ZNF722: variants seen among roughly 807,000 people sequenced by gnomAD.
ZNF722 encodes the protein zinc finger protein 722.
chr7:63,999,194 G>A, the ZNF722 span, among the ~76,000 whole-genome samples: 56 of 152,154 alleles, frequency 3.7e-4, 1 homozygote, highest in African/African-American at 9.6e-5. Context: ...GACCCTGGGA[G>A]TTCTGTCTTT....
chr7:64,012,744 A>G, the ZNF722 span, among the ~76,000 whole-genome samples: 1 of 152,142 alleles, frequency 6.6e-6, no homozygotes, highest in South Asian at 2.1e-4. Context: ...GGTTTGTGAT[A>G]TGGTGTAGAT....
the ZNF722 span, among the ~76,000 whole-genome samples, chr7:64,009,106 C>G: frequency 3.3e-5 from 5 of 152,198 alleles, no homozygotes; most frequent in African/African-American, 4.8e-5. Context: ...TATCTTGAGA[C>G]TTTGCTGAAG....
the ZNF722 span, among the ~76,000 whole-genome samples, chr7:64,006,514 C>T: frequency 6.6e-6 from 1 of 152,308 alleles, no homozygotes; most frequent in East Asian, 1.9e-4. Flanking sequence ...AAGGATTCTA[C>T]TTCCACTTCA....
the ZNF722 span, among the ~76,000 whole-genome samples, chr7:64,007,253 T>TATAC: frequency 6.7e-6 from 1 of 148,812 alleles, no homozygotes; most frequent in African/African-American, 2.5e-5. Context: ...TATATATATA[T>TATAC]ATTTATACTT....
chr7:64,013,783 G>T, the ZNF722 span, among the ~76,000 whole-genome samples: 1 of 152,010 alleles, frequency 6.6e-6, no homozygotes, highest in Non-Finnish European at 1.5e-5. Flanking sequence ...ATTTTAAGTG[G>T]AAAGACCTCT....
chr7:63,999,121 C>T, the ZNF722 span: 2 of 1,164,362 alleles, frequency 1.7e-6, no homozygotes, highest in Non-Finnish European at 2.5e-6. Context: ...CCCAAATCCT[C>T]CTTGTCCCAG....
chr7:64,003,515 T>C, the ZNF722 span, among the ~76,000 whole-genome samples: 1 of 152,198 alleles, frequency 6.6e-6, no homozygotes, highest in South Asian at 2.1e-4. Context: ...TTGGTGAACA[T>C]GTCTCAGATC....
At chr7:63,999,312 A>C in the ZNF722 span, among the ~76,000 whole-genome samples, 1 of 152,178 alleles carries the variant, frequency 6.6e-6, no homozygotes. Flanking sequence ...TCATCAGGGG[A>C]GAATCCAGAC....
At chr7:64,012,673 A>G in the ZNF722 span, among the ~76,000 whole-genome samples, 1 of 152,140 alleles carries the variant, frequency 6.6e-6, no homozygotes, top group Non-Finnish European at 1.5e-5. Context: ...TGCAAATAAG[A>G]ATATTGTGTA....
the ZNF722 span, among the ~76,000 whole-genome samples, chr7:64,011,457 C>G: frequency 5.3e-5 from 8 of 152,278 alleles, no homozygotes; most frequent in Non-Finnish European, 7.4e-5. Context: ...GTGACAAAAT[C>G]TCTCAGCATT....
At chr7:64,001,105 A>G in the ZNF722 span, among the ~76,000 whole-genome samples, 1 of 152,024 alleles carries the variant, frequency 6.6e-6, no homozygotes, top group African/African-American at 2.4e-5. Context: ...CTTTTATTTT[A>G]GGTTCAGGAG....
chr7:64,001,867 T>C, the ZNF722 span, among the ~76,000 whole-genome samples: 2 of 152,182 alleles, frequency 1.3e-5, no homozygotes, highest in African/African-American at 4.8e-5. Flanking sequence ...AGAATCAACT[T>C]CTGGTTTCGT....
At chr7:64,015,964 T>C in the ZNF722 span, 1 of 1,152,146 alleles carries the variant, frequency 8.7e-7, no homozygotes, top group Non-Finnish European at 1.2e-6. Flanking sequence ...CATACAATAA[T>C]TTATGCTGGA....
the ZNF722 span, among the ~76,000 whole-genome samples, chr7:64,003,044 G>A: frequency 6.6e-5 from 10 of 152,178 alleles, no homozygotes; most frequent in African/African-American, 1.7e-4. Flanking sequence ...ATCACATTGC[G>A]AAAAGCAGGG....
At chr7:64,012,819 T>C in the ZNF722 span, among the ~76,000 whole-genome samples, 1 of 152,162 alleles carries the variant, frequency 6.6e-6, no homozygotes, top group African/African-American at 2.4e-5. Flanking sequence ...TGAGAGCTGT[T>C]TGCATCGTGG....
chr7:64,007,230 G>GTGTGTGTGTATATA, the ZNF722 span, among the ~76,000 whole-genome samples: 1 of 138,512 alleles, frequency 7.2e-6, no homozygotes, highest in Non-Finnish European at 1.5e-5. Flanking sequence ...GTTTGTGTGT[G>GTGTGTGTGTATATA]TATATATATA....
the ZNF722 span, among the ~76,000 whole-genome samples, chr7:64,016,517 C>T: frequency 6.6e-6 from 1 of 152,238 alleles, no homozygotes; most frequent in Non-Finnish European, 1.5e-5. Context: ...AGAGAGAAAT[C>T]CTACAAAAGC....
the ZNF722 span, chr7:64,006,339 GC>G: frequency 3.9e-6 from 5 of 1,268,916 alleles, no homozygotes; most frequent in Non-Finnish European, 5.5e-6. Flanking sequence ...AGCGAATGAA[GC>G]AGATGACACA....
the ZNF722 span, among the ~76,000 whole-genome samples, chr7:64,008,946 AAG>A: frequency 2.0e-5 from 3 of 152,146 alleles, no homozygotes; most frequent in African/African-American, 2.4e-5. Flanking sequence ...GTTCTCCTTA[AAG>A]AGGTCCTTCA....
Sources: allele counts gnomAD v4.1 joint callset (sites outside exome capture counted in the v4.1 genomes callset), GRCh38; gene constraint gnomAD v4.1.1; transcripts MANE v1.5; gene names NCBI Gene and HGNC (gene_info 2026-07-23, HGNC 2026-07-21).